The following ATP8B2 variants were observed in gnomAD, a reference collection of about 807,000 sequenced individuals.
The protein encoded by ATP8B2 is phospholipid-transporting ATPase ID.
ATP8B2 carries 70 observed loss-of-function variants against 133.4 expected under a neutral mutation model. The observed-to-expected ratio is 0.52, with a 90% CI of 0.43 to 0.64. The LOEUF (loss-of-function observed/expected upper bound fraction) is 0.64. Among genes scored for constraint, ATP8B2 ranks in the 30% least tolerant of loss-of-function variants. The pLI is 0.00. For missense variants in ATP8B2, 1,101 were observed against 1,535.7 expected (o/e 0.72, Z 4.73); for synonymous variants, 517 against 589.5 (o/e 0.88, Z 1.78).
rs751391275 is a variant in ATP8B2, at chr1:154,337,416, G to A, written c.906G>A (p.Val302=). 1.4e-5 allele frequency: 22 copies of A among 1,614,174 alleles called. No homozygotes were observed. The highest frequency in any genetic ancestry group is 2.2e-5 in the South Asian group (2 of 91,084). The change falls in exon 12 of 28, where the codon GTG becomes GTA. Residue 302 remains valine, a synonymous_variant. Coordinates refer to ENST00000368489, the MANE Select transcript of ATP8B2 (RefSeq NM_001370597.1). ...GCAATGCCATCTGGGAGCACGAGGTGGGGATGCGTTTCCAGGTCTACCTGC... is the reference window on the plus strand; with the variant it reads ...GCAATGCCATCTGGGAGCACGAGGTAGGGATGCGTTTCCAGGTCTACCTGC... ...AIGNAIWEHE[V]GMRFQVYLPW...
Position 154,346,386 on chromosome 1 carries a change from T to C in ATP8B2, c.2934T>C (p.Asp978=), listed in dbSNP as rs569396388. Residue 978 remains aspartate (D), a synonymous_variant, in exon 25 of 28, where the codon GAT becomes GAC. Coordinates refer to ENST00000368489, the MANE Select transcript of ATP8B2 (RefSeq NM_001370597.1). This position sits in a 1 kb window ranked among gnomAD's most constrained non-coding sequence, Gnocchi z 4.5. ...MFFIPYGVFA[D]ATRDDGTQLA... is the part of the protein sequence containing the mutation. The stretch of plus-strand genomic sequence containing the variant: ...TCATTCCCTATGGGGTGTTTGCTGA[T>C]GCCACCCGGGATGATGGCACTCAGC... 1 of 1,614,220 alleles carries C rather than the reference T, an allele frequency of 6.2e-7. No homozygotes were observed. Among genetic ancestry groups the C allele is most frequent in the Non-Finnish European group, 8.5e-7 (1 of 1,180,044 alleles).
intron 1 of ATP8B2, among the ~76,000 whole-genome samples, chr1:154,326,703 C>T (rs1685804634): frequency 6.6e-6 from 1 of 152,218 alleles, no homozygotes; most frequent in South Asian, 2.1e-4. Context: ...CTCCTGATGG[C>T]GTGTGCAGCT....
Position 154,343,491 on chromosome 1 carries a change from G to C in ATP8B2, c.1681G>C (p.Gly561Arg). Reference protein sequence around the residue: ...PEGKIRLYCKGADTILLDRLH... With the variant: ...PEGKIRLYCKRADTILLDRLH... ...GGGGAAGATCCGACTCTACTGCAAA[G>C]GGGCTGACACTATCCTACTGGACAG... is the stretch of plus-strand genomic sequence containing the variant. The change falls in exon 17 of 28, where the codon GGG becomes CGG. Residue 561 changes from glycine to arginine, a missense_variant. Gly to Arg is a moderately radical substitution (Grantham distance 125, BLOSUM62 -2). Transcript: ENST00000368489. The surrounding 1 kb of genome is among the most constrained non-coding windows in gnomAD (Gnocchi z 5.8). The C allele has an allele frequency of 6.2e-7, 1 of 1,614,142 alleles. No homozygotes were observed. Among genetic ancestry groups the C allele is most frequent in the Non-Finnish European group, 8.5e-7 (1 of 1,180,030 alleles).
rs1379417498 is a variant in ATP8B2 at position 154,328,217 on chromosome 1, G to A, written c.31+45G>A. ...GAGATCCCGGGAACCATCAAGAGTG[G>A]GTGTTGTTATGGCTCAGGGAGCAAA... On this transcript the variant is annotated intron_variant, in intron 2 of 27. Transcript: ENST00000368489. The surrounding 1 kb of genome is among the most constrained non-coding windows in gnomAD (Gnocchi z 4.6). 6.3e-7 allele frequency: 1 copy of A among 1,577,484 alleles called. No individual in the cohort carries two copies. Among genetic ancestry groups the A allele is most frequent in the Non-Finnish European group, 8.7e-7 (1 of 1,147,462 alleles).
chr1:154,344,304 G>A lies in ATP8B2; in HGVS notation c.2035+50G>A. The A allele has an allele frequency of 6.2e-7, 1 of 1,614,154 alleles. No individual in the cohort carries two copies. ...AGTTGCAACTGACAGTAGCCCTGTT[G>A]GACCCTTGCATGGAGCCGAGGACAT... On this transcript the variant is annotated intron_variant, in intron 19 of 27. Transcript: ENST00000368489. This position sits in a 1 kb window ranked among gnomAD's most constrained non-coding sequence, Gnocchi z 4.1.
chr1:154,348,899 G>A lies in ATP8B2; in HGVS notation c.3354G>A (p.Arg1118=), dbSNP rs1348124924. ...AGGCCCAGCACCGCTGCATGCGGCGGGTTGGCCGCACTGGCTCCCGGCGCT... is the reference window on the plus strand; with the variant it reads ...AGGCCCAGCACCGCTGCATGCGGCGAGTTGGCCGCACTGGCTCCCGGCGCT... ...KQKAQHRCMR[R]VGRTGSRRSG... is the part of the protein sequence containing the mutation. Residue 1118 remains arginine, a synonymous_variant, in exon 28 of 28, where the codon CGG becomes CGA. Transcript: ENST00000368489. The A allele has an allele frequency of 6.2e-7, 1 of 1,613,794 alleles. No homozygotes were observed. The highest frequency in any genetic ancestry group is 8.5e-7 in the Non-Finnish European group (1 of 1,179,768).
At position 154,349,212 on chromosome 1, in the gene ATP8B2, C is replaced by T. The variant is rs1031449368; in HGVS notation, c.*94C>T. 1 of 1,456,802 alleles carries T rather than the reference C, an allele frequency of 6.9e-7. No individual in the cohort carries two copies. Among genetic ancestry groups the T allele is most frequent in the African/African-American group, 1.4e-5 (1 of 71,100 alleles). The allele number at this position is 1,456,802 out of a possible 1,614,324, so 90.2% of individuals were successfully genotyped here. A position where few individuals can be genotyped will look rare whatever the true frequency, so the allele number is the denominator to read the frequency against. On this transcript the variant is annotated 3_prime_UTR_variant, in exon 28 of 28. Transcript: ENST00000368489. ...CGTCTCGGAACTGCTGGTCCTCATTCCTTGCTTCCCGTCCCCCCGGTAGAC... is the reference window on the plus strand; with the variant it reads ...CGTCTCGGAACTGCTGGTCCTCATTTCTTGCTTCCCGTCCCCCCGGTAGAC...
intron 12 of ATP8B2, among the ~76,000 whole-genome samples, chr1:154,338,979 C>T (rs1003399264): frequency 4.6e-5 from 7 of 152,094 alleles, no homozygotes; most frequent in Admixed American, 1.3e-4. Flanking sequence ...CGGAGGAAGA[C>T]GAGGCAGGAG....
chr1:154,346,510 G>T lies in ATP8B2; in HGVS notation c.3024+34G>T. 6.2e-7 allele frequency: 1 copy of T among 1,605,078 alleles called. No individual in the cohort carries two copies. On this transcript the variant is annotated intron_variant, in intron 25 of 27. Coordinates refer to ENST00000368489, the MANE Select transcript of ATP8B2 (RefSeq NM_001370597.1). This position sits in a 1 kb window ranked among gnomAD's most constrained non-coding sequence, Gnocchi z 4.5. ...CCATCCAGGAACTCCCCTCTTCTCT[G>T]GAAGGAGTGAGCCTTCTGTCCCTGG...
In ATP8B2 at chr1:154,328,007, G is replaced by C; in HGVS notation, c.-37-98G>C. 2 of 1,511,492 alleles carry C rather than the reference G, an allele frequency of 1.3e-6. No homozygotes were observed. The highest frequency in any genetic ancestry group is 1.7e-5 in the Admixed American group (1 of 59,822). 93.6% of individuals were successfully genotyped at this position (1,511,492 alleles called of 1,614,324 possible). Reference sequence around the variant, plus strand: ...AGAAGGAGGCTGGGGGAGGGGCAGGGTCAGAGCTGGAGAAGAGGGTCTTCA... The same window carrying C: ...AGAAGGAGGCTGGGGGAGGGGCAGGCTCAGAGCTGGAGAAGAGGGTCTTCA... On this transcript the variant is annotated intron_variant, in intron 1 of 27. Coordinates refer to ENST00000368489, the MANE Select transcript of ATP8B2 (RefSeq NM_001370597.1). The surrounding 1 kb of genome is among the most constrained non-coding windows in gnomAD (Gnocchi z 4.6).
chr1:154,345,996 A>T lies in ATP8B2; in HGVS notation c.2778+113A>T. The T allele has an allele frequency of 8.6e-7, 1 of 1,161,594 alleles. No individual in the cohort carries two copies. Among genetic ancestry groups the T allele is most frequent in the East Asian group, 2.3e-5 (1 of 42,568 alleles). 72.0% of individuals were successfully genotyped at this position (1,161,594 alleles called of 1,614,324 possible). The stretch of plus-strand genomic sequence containing the variant: ...CATTTCCTGTGGCCACTGGGAAGGC[A>T]GTTCTTTCAGCCGGGGAAGGTGTGG... On this transcript the variant is annotated intron_variant, in intron 24 of 27. Transcript: ENST00000368489. The surrounding 1 kb of genome is among the most constrained non-coding windows in gnomAD (Gnocchi z 5.6).
chr1:154,333,566 A>G (rs1414283593), intron 9 of ATP8B2, among the ~76,000 whole-genome samples: 1 of 151,352 alleles, frequency 6.6e-6, no homozygotes, highest in Non-Finnish European at 1.5e-5. Context: ...AAGTAGCCAC[A>G]TTAATTGACA....
intron 12 of ATP8B2, among the ~76,000 whole-genome samples, chr1:154,337,997 C>T (rs940383351): frequency 6.6e-6 from 1 of 152,200 alleles, no homozygotes; most frequent in Admixed American, 6.5e-5. Flanking sequence ...GTGGCCTCTG[C>T]CTTTAGCAGC....
intron 1 of ATP8B2, chr1:154,327,726 G>A: frequency 6.8e-7 from 1 of 1,480,038 alleles, no homozygotes; most frequent in Non-Finnish European, 9.4e-7. Context: ...CACCCTTTGG[G>A]GAAACTGCTT....
In ATP8B2 at chr1:154,340,915, A is replaced by G; in HGVS notation, c.1096A>G (p.Met366Val). The change falls in exon 13 of 28, where the codon ATG (methionine) becomes GTG (valine). Residue 366 changes from methionine (M) to valine (V), a missense_variant. Coordinates refer to ENST00000368489, the MANE Select transcript of ATP8B2 (RefSeq NM_001370597.1). The surrounding 1 kb of genome is among the most constrained non-coding windows in gnomAD (Gnocchi z 4.0). ...FINWDKKMFCMKKRTPAEART... is the reference protein window; with the variant it reads ...FINWDKKMFCVKKRTPAEART... The stretch of plus-strand genomic sequence containing the variant: ...CAACTGGGATAAGAAGATGTTCTGC[A>G]TGAAGAAGCGGACGCCTGCAGAAGC... 1 of 1,614,208 alleles carries G rather than the reference A, an allele frequency of 6.2e-7. No homozygotes were observed. The highest frequency in any genetic ancestry group is 8.5e-7 in the Non-Finnish European group (1 of 1,180,032).
intron 11 of ATP8B2, among the ~76,000 whole-genome samples, chr1:154,335,172 C>A (rs867051163): frequency 6.6e-6 from 1 of 152,168 alleles, no homozygotes; most frequent in South Asian, 2.1e-4. Flanking sequence ...AGCTTGTTTC[C>A]GCCCTGGCTT....
intron 11 of ATP8B2, among the ~76,000 whole-genome samples, chr1:154,335,736 T>TA (rs563272917): frequency 0.16 from 23,068 of 141,452 alleles, 1,764 homozygotes; most frequent in African/African-American, 0.2. Context: ...TTCCCAAGTT[T>TA]AAAAAAAAAA....
At position 154,331,700 on chromosome 1, in the gene ATP8B2, T is replaced by A; in HGVS notation, c.438+22T>A. ...GGCGGTAAGGGACAGGGTACCCCTC[T>A]AGGCCTGTAGGTTCTTCCTCTTCTT... On this transcript the variant is annotated intron_variant, in intron 7 of 27. Coordinates refer to ENST00000368489, the MANE Select transcript of ATP8B2 (RefSeq NM_001370597.1). The surrounding 1 kb of genome is among the most constrained non-coding windows in gnomAD (Gnocchi z 4.8). 6.2e-7 allele frequency: 1 copy of A among 1,601,880 alleles called. No individual in the cohort carries two copies. Among genetic ancestry groups the A allele is most frequent in the Non-Finnish European group, 8.6e-7 (1 of 1,168,748 alleles).
At position 154,345,327 on chromosome 1, in the gene ATP8B2, C is replaced by T. The variant is rs753359157; in HGVS notation, c.2476C>T (p.His826Tyr). ...GTCATCTCTTGTCTCTGCAGCGGCT[C>T]ACATTGGTGTGGGGATCAGTGGGCA... Reference protein sequence around the residue: ...ANDVSMIKTAHIGVGISGQEG... With the variant: ...ANDVSMIKTAYIGVGISGQEG... The change falls in exon 23 of 28, where the codon CAC becomes TAC. Residue 826 changes from histidine (H) to tyrosine (Y), a missense_variant. His to Tyr is a moderately conservative substitution (Grantham distance 83, BLOSUM62 2). Transcript: ENST00000368489. The surrounding 1 kb of genome is among the most constrained non-coding windows in gnomAD (Gnocchi z 5.6). 5 of 1,614,002 alleles carry T rather than the reference C, an allele frequency of 3.1e-6. No individual in the cohort carries two copies. Among genetic ancestry groups the T allele is most frequent in the Non-Finnish European group, 4.2e-6 (5 of 1,180,018 alleles).
Sources: allele counts gnomAD v4.1 joint callset (sites outside exome capture counted in the v4.1 genomes callset), GRCh38; gene constraint gnomAD v4.1.1; non-coding constraint Gnocchi (gnomAD v3.1); transcripts MANE v1.5; gene names NCBI Gene and HGNC (gene_info 2026-07-23, HGNC 2026-07-21).